The following CTXND1 variants were observed in gnomAD, a reference collection of about 807,000 sequenced individuals.
CTXND1 encodes cortexin domain-containing 1 protein.
At chr15:80,210,835 C>T (rs1893196392) in intron 1 of CTXND1, among the ~76,000 whole-genome samples, 1 of 152,220 alleles carries the variant, frequency 6.6e-6, no homozygotes, top group African/African-American at 2.4e-5. Flanking sequence ...GGGTTGGCTG[C>T]TCCCCAGGGC....
rs1272521023 is a variant in CTXND1 at position 80,201,562 on chromosome 15, C to T, written c.*208G>A. On this transcript the variant is annotated 3_prime_UTR_variant, in exon 3 of 3. Coordinates refer to ENST00000560778, the MANE Select transcript of CTXND1 (RefSeq NM_001352888.2). ...CCAGGGCTCTTTTCCCCTGGCTGGT[C>T]CATGGTTGCGACACCCACGGCACCC... 1 of 384,332 alleles carries T rather than the reference C, an allele frequency of 2.6e-6. No individual in the cohort carries two copies. Among genetic ancestry groups the T allele is most frequent in the Non-Finnish European group, 4.6e-6 (1 of 217,344 alleles). 23.8% of individuals were successfully genotyped at this position (384,332 alleles called of 1,614,324 possible). A position where few individuals can be genotyped will look rare whatever the true frequency, so the allele number is the denominator to read the frequency against.
intron 1 of CTXND1, among the ~76,000 whole-genome samples, chr15:80,211,019 GGGTTAGA>G (rs775630734): frequency 2.6e-5 from 4 of 152,176 alleles, no homozygotes; most frequent in Non-Finnish European, 5.9e-5. Flanking sequence ...GTCACATCGG[GGGTTAGA>G]GGTTCATGAG....
At position 80,210,200 on chromosome 15, in the gene CTXND1, T is replaced by G. The variant is rs4778762; in HGVS notation, c.-217-6460A>C. Among the ~76,000 whole-genome samples the G allele has an allele frequency of 4.2e-4, 64 of 152,198 alleles. 1 individual carries two copies. The East Asian group carries it at 8.9e-3, about 21-fold the overall frequency. On this transcript the variant is annotated intron_variant, in intron 1 of 2. Transcript: ENST00000560778. ...ATCCACCTGTTCGCCACCTCCTTAA[T>G]GTTTTTTCTTTATTCTCTGGGGGCA...
chr15:80,213,765 G>C (rs1334592956), intron 1 of CTXND1, among the ~76,000 whole-genome samples: 1 of 152,216 alleles, frequency 6.6e-6, no homozygotes, highest in Non-Finnish European at 1.5e-5. Context: ...ACATCTTTAG[G>C]ATTTTGAAGG....
In CTXND1 at chr15:80,216,529, G is replaced by A. The variant is rs145040345; in HGVS notation, c.-217-12789C>T. On this transcript the variant is annotated intron_variant, in intron 1 of 2. Transcript: ENST00000560778. ...TGCTGCAATAGCAAAAGTAATTTGAGCCTTGTTTATGGATCATCATTTAAT... is the reference window on the plus strand; with the variant it reads ...TGCTGCAATAGCAAAAGTAATTTGAACCTTGTTTATGGATCATCATTTAAT... Among the ~76,000 whole-genome samples, 101 of 152,270 alleles carry A rather than the reference G, an allele frequency of 6.6e-4. 1 individual carries two copies. In the East Asian group the frequency reaches 0.017, roughly 26 times the overall value.
At chr15:80,230,973 G>C (rs981167107) in intron 1 of CTXND1, among the ~76,000 whole-genome samples, 1 of 152,084 alleles carries the variant, frequency 6.6e-6, no homozygotes, top group Non-Finnish European at 1.5e-5. Context: ...AAGGAGAATC[G>C]CTTGAAGCCT....
At chr15:80,218,448 A>T (rs947260746) in intron 1 of CTXND1, among the ~76,000 whole-genome samples, 5 of 152,042 alleles carry the variant, frequency 3.3e-5, no homozygotes, top group Non-Finnish European at 7.4e-5. Context: ...CTATTTGCTT[A>T]TTTCTTATTG....
At chr15:80,223,433 G>A (rs189341150) in intron 1 of CTXND1, among the ~76,000 whole-genome samples, 4 of 152,138 alleles carry the variant, frequency 2.6e-5, no homozygotes, top group East Asian at 1.9e-4. Context: ...TGAAATGCAC[G>A]ATATCACGAT....
chr15:80,204,169 AATATATATATATATAT>A (rs1282033532), intron 1 of CTXND1, among the ~76,000 whole-genome samples: 1 of 65,192 alleles, frequency 1.5e-5, no homozygotes, highest in Non-Finnish European at 2.4e-5. Context: ...AAAAAAAAAA[AATATATATATATATAT>A]ATATATATAT....
In CTXND1 at chr15:80,240,002, G is replaced by T. The variant is rs1052020346; in HGVS notation, c.-218+12005C>A. ...ATTTTTGAGACGGAGTTTTGCTCTT[G>T]TTGCCCAGGCTGGAGTGCAATGGCA... On this transcript the variant is annotated intron_variant, in intron 1 of 2. Coordinates refer to ENST00000560778, the MANE Select transcript of CTXND1 (RefSeq NM_001352888.2). 1.6e-4 allele frequency among the ~76,000 whole-genome samples: 25 copies of T among 151,984 alleles called. No homozygotes were observed. In the East Asian group the frequency reaches 4.4e-3, roughly 27 times the overall value.
chr15:80,224,840 T>G (rs1206014392), intron 1 of CTXND1, among the ~76,000 whole-genome samples: 1 of 152,198 alleles, frequency 6.6e-6, no homozygotes, highest in Non-Finnish European at 1.5e-5. Context: ...GCCTCCTGGA[T>G]TCAAGCGATT....
chr15:80,229,354 A>G (rs778546091), intron 1 of CTXND1, among the ~76,000 whole-genome samples: 2 of 152,190 alleles, frequency 1.3e-5, no homozygotes, highest in Non-Finnish European at 2.9e-5. Flanking sequence ...GTGTTAGGAA[A>G]CCTTTAAAGC....
chr15:80,215,143 G>A (rs1893238570), intron 1 of CTXND1, among the ~76,000 whole-genome samples: 1 of 152,150 alleles, frequency 6.6e-6, no homozygotes, highest in African/African-American at 2.4e-5. Context: ...GCCCAAGTTG[G>A]GCTCCAGTCC....
At chr15:80,250,178 T>A (rs1893677735) in intron 1 of CTXND1, among the ~76,000 whole-genome samples, 1 of 152,240 alleles carries the variant, frequency 6.6e-6, no homozygotes, top group Admixed American at 6.5e-5. Context: ...CCAGGTAGTG[T>A]AAATATTTGT....
intron 1 of CTXND1, among the ~76,000 whole-genome samples, chr15:80,238,703 C>T (rs1893531962): frequency 1.3e-5 from 2 of 152,164 alleles, no homozygotes; most frequent in Admixed American, 1.3e-4. Flanking sequence ...TCTCGATCTC[C>T]TGACCTCGTG....
intron 1 of CTXND1, among the ~76,000 whole-genome samples, chr15:80,234,988 T>G (rs1249079000): frequency 6.1e-5 from 5 of 82,388 alleles, no homozygotes; most frequent in Non-Finnish European, 1.2e-4. Flanking sequence ...CCCCAGAGTT[T>G]GAGTTATGAC....
intron 1 of CTXND1, among the ~76,000 whole-genome samples, chr15:80,222,002 G>A (rs990042243): frequency 6.6e-6 from 1 of 152,110 alleles, no homozygotes; most frequent in Non-Finnish European, 1.5e-5. Context: ...TGCATTATAT[G>A]TGTGTATACA....
intron 1 of CTXND1, among the ~76,000 whole-genome samples, chr15:80,221,205 A>G (rs951814957): frequency 2.0e-4 from 30 of 152,186 alleles, no homozygotes; most frequent in East Asian, 7.7e-4. Flanking sequence ...CACCACGCCC[A>G]GCCTCTATTA....
At chr15:80,240,806 A>G (rs1223709272) in intron 1 of CTXND1, among the ~76,000 whole-genome samples, 1 of 152,206 alleles carries the variant, frequency 6.6e-6, no homozygotes, top group Non-Finnish European at 1.5e-5. Flanking sequence ...GCTGTTAATG[A>G]GGGATGTTAT....
Sources: allele counts gnomAD v4.1 joint callset (sites outside exome capture counted in the v4.1 genomes callset), GRCh38; gene constraint gnomAD v4.1.1; transcripts MANE v1.5; gene names NCBI Gene and HGNC (gene_info 2026-07-23, HGNC 2026-07-21).